CDK1: variants seen among roughly 807,000 people sequenced by gnomAD.
The protein encoded by CDK1 is cyclin dependent kinase 1.
In CDK1, 5 loss-of-function variants were observed where a neutral mutation model predicts 34.6. The ratio of observed to expected loss-of-function variants is 0.14; its 90% CI spans 0.08 to 0.30. The LOEUF (loss-of-function observed/expected upper bound fraction) is 0.30. Ranked by LOEUF, CDK1 falls within the 10% of genes least tolerant of loss-of-function variation. The pLI is 1.00. For missense variants in CDK1, 157 were observed against 345.7 expected (o/e 0.45, Z 4.33); for synonymous variants, 108 against 114.7 (o/e 0.94, Z 0.37).
At chr10:60,789,643 T>TG (rs1446170386) in intron 5 of CDK1, among the ~76,000 whole-genome samples, 5 of 152,212 alleles carry the variant, frequency 3.3e-5, no homozygotes, top group Admixed American at 2.6e-4. Flanking sequence ...TACACCACAT[T>TG]ATCTGTTGAT....
Position 60,787,982 on chromosome 10 carries a change from AT to A in CDK1, c.319-72del, listed in dbSNP as rs1372410547. On this transcript the variant is annotated intron_variant, in intron 4 of 7. Coordinates refer to ENST00000395284, the MANE Select transcript of CDK1 (RefSeq NM_001786.5). ...AATTAAATTATTTCTCTGCGTCCTA[AT>A]TTTTTGTCTTTGAAACAGATTATTT... 4.0e-6 allele frequency: 3 copies of A among 752,044 alleles called. No homozygotes were observed. The Admixed American group carries it at 8.6e-5, about 21-fold the overall frequency. 46.6% of individuals were successfully genotyped at this position (752,044 alleles called of 1,614,324 possible). A position where few individuals can be genotyped will look rare whatever the true frequency, so the allele number is the denominator to read the frequency against.
At chr10:60,786,871 C>CTT (rs1441387827) in intron 4 of CDK1, 1 of 977,980 alleles carries the variant, frequency 1.0e-6, no homozygotes, top group Non-Finnish European at 1.2e-6. Flanking sequence ...TCTTGCATGA[C>CTT]TTTTGGACTT....
chr10:60,787,849 T>C, intron 4 of CDK1: 1 of 316,892 alleles, frequency 3.2e-6, no homozygotes, highest in Non-Finnish European at 5.8e-6. Context: ...TATAGATATG[T>C]CTATAAGGTG....
chr10:60,790,179 C>T (rs2080349515), intron 5 of CDK1, among the ~76,000 whole-genome samples: 1 of 151,896 alleles, frequency 6.6e-6, no homozygotes, highest in Non-Finnish European at 1.5e-5. Flanking sequence ...TTGCATTATT[C>T]TGTTATTCTG....
At chr10:60,779,879 G>T (rs1314868269) in intron 1 of CDK1, among the ~76,000 whole-genome samples, 1 of 152,146 alleles carries the variant, frequency 6.6e-6, no homozygotes, top group African/African-American at 2.4e-5. Flanking sequence ...ACCTGAATTT[G>T]AGGGTTATTT....
chr10:60,782,240 A>G (rs1475603486), intron 2 of CDK1, among the ~76,000 whole-genome samples: 3 of 152,152 alleles, frequency 2.0e-5, no homozygotes, highest in Non-Finnish European at 2.9e-5. Context: ...GTGTTTTGTC[A>G]TGTTTACTTT....
chr10:60,793,035 G>C (rs925427118), intron 7 of CDK1, among the ~76,000 whole-genome samples: 1 of 151,978 alleles, frequency 6.6e-6, no homozygotes, highest in Non-Finnish European at 1.5e-5. Context: ...TCTCCTGATG[G>C]GCAAAGTCTA....
chr10:60,784,224 A>G (rs1362527482), intron 2 of CDK1, among the ~76,000 whole-genome samples: 1 of 152,210 alleles, frequency 6.6e-6, no homozygotes, highest in Non-Finnish European at 1.5e-5. Context: ...TACAGATTGT[A>G]GTTACTCTCA....
chr10:60,786,369 G>GTA, intron 4 of CDK1: 1 of 790,130 alleles, frequency 1.3e-6, no homozygotes, highest in Non-Finnish European at 1.5e-6. Context: ...ATTTGCATAT[G>GTA]TATATATACA....
chr10:60,793,537 C>T (rs3213082), intron 7 of CDK1, among the ~76,000 whole-genome samples: 1,984 of 151,986 alleles, frequency 0.013, 32 homozygotes, highest in African/African-American at 0.041. Context: ...CTCAGGTGGC[C>T]GTTTAATTCT....
intron 2 of CDK1, among the ~76,000 whole-genome samples, chr10:60,781,024 T>C (rs1191803055): frequency 2.0e-5 from 3 of 151,628 alleles, no homozygotes; most frequent in African/African-American, 4.8e-5. Context: ...TGGTGTTCGA[T>C]TGGAGGTGTG....
At position 60,793,984 on chromosome 10, in the gene CDK1, CAAA is replaced by C; in HGVS notation, c.*12_*14del. ...AGATTAAGAAGATGTAGCTTTCTGA[CAAA>C]AAGTTTCCATATGTTATATCAACAG... On this transcript the variant is annotated 3_prime_UTR_variant, in exon 8 of 8. Coordinates refer to ENST00000395284, the MANE Select transcript of CDK1 (RefSeq NM_001786.5). 1 of 1,368,266 alleles carries C rather than the reference CAAA, an allele frequency of 7.3e-7. No individual in the cohort carries two copies. The highest frequency in any genetic ancestry group is 1.5e-5 in the African/African-American group (1 of 65,276). The allele number at this position is 1,368,266 out of a possible 1,614,324, so 84.8% of individuals were successfully genotyped here.
intron 4 of CDK1, chr10:60,786,849 G>A (rs969717535): frequency 1.0e-6 from 1 of 969,456 alleles, no homozygotes; most frequent in Non-Finnish European, 1.2e-6. Flanking sequence ...GTTAGGATAC[G>A]TTCTTTAACA....
intron 5 of CDK1, among the ~76,000 whole-genome samples, chr10:60,789,385 T>G (rs1386875310): frequency 6.6e-6 from 1 of 152,216 alleles, no homozygotes; most frequent in Non-Finnish European, 1.5e-5. Context: ...AACTTATCTC[T>G]GTCTTCCTCT....
At chr10:60,790,500 G>A (rs1429494604) in intron 5 of CDK1, among the ~76,000 whole-genome samples, 1 of 152,162 alleles carries the variant, frequency 6.6e-6, no homozygotes, top group Non-Finnish European at 1.5e-5. Flanking sequence ...TCCCGCTTTG[G>A]CCTCCCAAAG....
intron 5 of CDK1, among the ~76,000 whole-genome samples, chr10:60,789,249 T>G (rs377492325): frequency 6.6e-6 from 1 of 152,146 alleles, no homozygotes; most frequent in East Asian, 1.9e-4. Flanking sequence ...GTTGGGAACA[T>G]TCAAAATTCT....
intron 2 of CDK1, 69 bp from the exon 3 acceptor site, chr10:60,784,633 GAAA>G: frequency 1.9e-6 from 2 of 1,038,006 alleles, no homozygotes; most frequent in Non-Finnish European, 2.7e-6. Context: ...CTGCCATAAG[GAAA>G]AAAAAAAAGA....
At chr10:60,792,997 C>A (rs1014610153) in intron 7 of CDK1, among the ~76,000 whole-genome samples, 4 of 152,044 alleles carry the variant, frequency 2.6e-5, no homozygotes, top group African/African-American at 9.7e-5. Context: ...TTAGGACAAC[C>A]AAAAGTGTCT....
chr10:60,784,395 C>T (rs954434461), intron 2 of CDK1, among the ~76,000 whole-genome samples: 3 of 152,060 alleles, frequency 2.0e-5, no homozygotes, highest in Non-Finnish European at 2.9e-5. Context: ...TTTGGGGCGG[C>T]GAGGCAGGTA....
Sources: gnomAD v4.1 joint callset for allele counts (sites outside exome capture counted in the v4.1 genomes callset) on GRCh38, gnomAD v4.1.1 for gene constraint, MANE v1.5 for transcripts, NCBI Gene and HGNC (gene_info 2026-07-23, HGNC 2026-07-21) for gene names.